PCDHA9: variants seen among roughly 807,000 people sequenced by gnomAD.
The protein encoded by PCDHA9 is protocadherin alpha-9.
Under a neutral mutation model 62.0 loss-of-function variants are expected in PCDHA9, and 62 were observed. That is an observed-to-expected ratio of 1.00 (90% CI 0.81 to 1.23). The LOEUF (loss-of-function observed/expected upper bound fraction) is 1.23, where lower values mean the gene tolerates loss of function less well. PCDHA9 is among the 50% of genes most tolerant of loss of function. The pLI is 0.00. For missense variants in PCDHA9, 1,205 were observed against 1,249.8 expected, an observed-to-expected ratio of 0.96 and a Z score of 0.54; for synonymous variants, 557 against 567.6, an observed-to-expected ratio of 0.98 and a Z score of 0.27.
intron 1 of PCDHA9, chr5:140,864,715 T>G (rs540368944): frequency 1.3e-5 from 2 of 152,390 alleles, no homozygotes; most frequent in Non-Finnish European, 2.9e-5. Flanking sequence ...GCTCTTCTAC[T>G]ATTTTGGGAA....
At chr5:140,860,557 G>C (rs146943384) in intron 1 of PCDHA9, 1 of 152,036 alleles carries the variant, frequency 6.6e-6, no homozygotes, top group African/African-American at 2.4e-5. Context: ...CTTTGAAGAG[G>C]TACTGATCAT....
chr5:140,866,420 T>C (rs2049348301), intron 1 of PCDHA9: 1 of 152,148 alleles, frequency 6.6e-6, no homozygotes, highest in African/African-American at 2.4e-5. Context: ...CAAATGTGTG[T>C]AGGTCTTTCA....
At chr5:140,937,614 C>A (rs561420642) in intron 1 of PCDHA9, among the ~76,000 whole-genome samples, 1 of 149,010 alleles carries the variant, frequency 6.7e-6, no homozygotes, top group Non-Finnish European at 1.5e-5. Flanking sequence ...GATACTCCAT[C>A]TAAAAAGAAA....
chr5:140,884,096 G>T (rs782587372), intron 1 of PCDHA9: 1 of 1,613,580 alleles, frequency 6.2e-7, no homozygotes, highest in Non-Finnish European at 8.5e-7. Flanking sequence ...GCTTTCGTAT[G>T]AATTGCAGCT....
chr5:140,863,074 A>G lies in PCDHA9; in HGVS notation c.2394+12185A>G, dbSNP rs142752367. ...GCACCCGTTCCACGTGGGGCTCTGC[A>G]CGGGCGAGATCAGCACGACGAGTAC... On this transcript the variant is annotated intron_variant, in intron 1 of 3. Transcript: ENST00000532602. The G allele has an allele frequency of 2.9e-3, 1,668 of 569,744 alleles. 11 individuals are homozygous for G. Among genetic ancestry groups the G allele is most frequent in the Middle Eastern group, 0.01 (34 of 3,390 alleles). The allele number at this position is 569,744 out of a possible 1,614,324, so 35.3% of individuals were successfully genotyped here.
chr5:140,911,915 G>A (rs553932242), intron 1 of PCDHA9, among the ~76,000 whole-genome samples: 3 of 152,226 alleles, frequency 2.0e-5, no homozygotes, highest in African/African-American at 7.2e-5. Flanking sequence ...CTCTCTAGAG[G>A]ACAGAACTAA....
chr5:140,855,923 A>C (rs1424860955), intron 1 of PCDHA9: 25 of 1,229,030 alleles, frequency 2.0e-5, no homozygotes, highest in Non-Finnish European at 2.7e-5. Context: ...ACTAGGAAGT[A>C]GCGTCATTCT....
At chr5:140,926,861 G>T in intron 1 of PCDHA9, 1 of 1,522,578 alleles carries the variant, frequency 6.6e-7, no homozygotes, top group Non-Finnish European at 8.8e-7. Flanking sequence ...TTGGTGTAGC[G>T]TGTTGGTGGA....
chr5:140,884,609 G>C (rs1554181782), intron 1 of PCDHA9: 4 of 1,614,138 alleles, frequency 2.5e-6, no homozygotes, highest in African/African-American at 1.3e-5. Flanking sequence ...TCCTTGTCTG[G>C]GTTCTGCAGA....
At chr5:140,977,559 A>G (rs1383080307) in intron 1 of PCDHA9, among the ~76,000 whole-genome samples, 2 of 152,204 alleles carry the variant, frequency 1.3e-5, no homozygotes. Context: ...ATATCTTGCT[A>G]GCAGATTGGT....
chr5:140,850,291 C>G lies in PCDHA9; in HGVS notation c.1796C>G (p.Ala599Gly), dbSNP rs2150477990. The G allele has an allele frequency of 1.3e-6, 2 of 1,595,974 alleles. No individual in the cohort carries two copies. Among genetic ancestry groups the G allele is most frequent in the South Asian group, 2.2e-5 (2 of 90,476 alleles). The stretch of plus-strand genomic sequence containing the variant: ...GTGGGGAAGGTGCGCGCAGTGGACG[C>G]CGACTCGGGCTACAACGCGTGGCTT... ...VVVGKVRAVD[A>G]DSGYNAWLSY... The change falls in exon 1 of 4, where the codon GCC (alanine) becomes GGC (glycine). Residue 599 changes from alanine (A) to glycine (G), a missense_variant. Around this residue, in one of 3 missense-constraint regions of PCDHA9, gnomAD observed 887 missense variants for 809.5 expected, o/e 1.10. Transcript: ENST00000532602.
At position 140,897,557 on chromosome 5, in the gene PCDHA9, A is replaced by G. The variant is rs2066188249; in HGVS notation, c.2394+46668A>G. Reference sequence around the variant, plus strand: ...GGCTGCATAGTCTTCCATGGTGTATATGTGCCACATTTTCTTAATCCAGTC... The same window carrying G: ...GGCTGCATAGTCTTCCATGGTGTATGTGTGCCACATTTTCTTAATCCAGTC... On this transcript the variant is annotated intron_variant, in intron 1 of 3. Coordinates refer to ENST00000532602, the MANE Select transcript of PCDHA9 (RefSeq NM_031857.2). Among the ~76,000 whole-genome samples, 4 of 151,994 alleles carry G rather than the reference A, an allele frequency of 2.6e-5. No individual in the cohort carries two copies. The South Asian group carries it at 8.3e-4, about 32-fold the overall frequency.
chr5:140,956,540 G>C (rs1356910892), intron 1 of PCDHA9, among the ~76,000 whole-genome samples: 1 of 152,186 alleles, frequency 6.6e-6, no homozygotes, highest in Non-Finnish European at 1.5e-5. Context: ...TGTGCTGCTG[G>C]ATTTGGTTTG....
intron 1 of PCDHA9, among the ~76,000 whole-genome samples, chr5:140,960,928 AAGTTT>A (rs2095579865): frequency 6.6e-6 from 1 of 152,184 alleles, no homozygotes; most frequent in South Asian, 2.1e-4. Context: ...AATTGGTACT[AAGTTT>A]AGTGAATTAG....
At position 140,950,714 on chromosome 5, in the gene PCDHA9, TA is replaced by T. The variant is rs554168605; in HGVS notation, c.2395-28234del. On this transcript the variant is annotated intron_variant, in intron 1 of 3. Coordinates refer to ENST00000532602, the MANE Select transcript of PCDHA9 (RefSeq NM_031857.2). ...AAATTTGACAAATTTTTGTTCCTTA[TA>T]TCCTTAAATTTTTTAATCCTAATTT... Among the ~76,000 whole-genome samples the T allele has an allele frequency of 2.0e-3, 304 of 152,244 alleles. 4 individuals are homozygous for T. The highest frequency in any genetic ancestry group is 6.6e-3 in the African/African-American group (275 of 41,574).
In PCDHA9 at chr5:140,850,527, T is replaced by C; in HGVS notation, c.2032T>C (p.Ser678Pro). The C allele has an allele frequency of 6.3e-7, 1 of 1,598,028 alleles. No individual in the cohort carries two copies. The highest frequency in any genetic ancestry group is 8.6e-7 in the Non-Finnish European group (1 of 1,167,746). ...SLVESGQAPK[S>P]SSRASVGATG... ...GGTGGAGAGCGGCCAGGCGCCAAAG[T>C]CATCGTCGCGGGCGTCAGTGGGTGC... Residue 678 changes from serine (S) to proline (P), a missense_variant, in exon 1 of 4, where the codon TCA becomes CCA. Ser to Pro is a moderately conservative substitution (Grantham distance 74, BLOSUM62 -1). Transcript: ENST00000532602.
intron 1 of PCDHA9, among the ~76,000 whole-genome samples, chr5:140,952,680 G>A (rs1013469820): frequency 6.6e-6 from 1 of 152,128 alleles, no homozygotes; most frequent in Middle Eastern, 3.2e-3. Flanking sequence ...CACATTTTCA[G>A]GATCTTTATA....
rs372500794 is a variant in PCDHA9, at chr5:140,876,782, C to A, written c.2394+25893C>A. 5.6e-6 allele frequency: 9 copies of A among 1,614,096 alleles called. No individual in the cohort carries two copies. The East Asian group carries it at 1.8e-4, about 32-fold the overall frequency. On this transcript the variant is annotated intron_variant, in intron 1 of 3. Transcript: ENST00000532602. ...GATGGGGGCTCGCCTTCGCTGTGGG[C>A]CACGGCTAGAGTGTCCGTGGAGGTG...
At position 140,849,164 on chromosome 5, in the gene PCDHA9, T is replaced by G. The variant is rs2150431781; in HGVS notation, c.669T>G (p.Thr223=). 3.3e-5 allele frequency: 39 copies of G among 1,167,302 alleles called. 1 individual carries two copies. The highest frequency in any genetic ancestry group is 4.4e-5 in the Non-Finnish European group (37 of 840,698). The allele number at this position is 1,167,302 out of a possible 1,614,324, so 72.3% of individuals were successfully genotyped here. Residue 223 remains threonine, a synonymous_variant, in exon 1 of 4, where the codon ACT becomes ACG. Coordinates refer to ENST00000532602, the MANE Select transcript of PCDHA9 (RefSeq NM_031857.2). The stretch of plus-strand genomic sequence containing the variant: ...CCGATGGAGGCAAACCCGAGCTGAC[T>G]GGCACCGTTCAATTACTCATCACGG... The part of the protein sequence containing the change: ...TATDGGKPEL[T]GTVQLLITVL...
Sources: gnomAD v4.1 joint callset for allele counts (sites outside exome capture counted in the v4.1 genomes callset) on GRCh38, gnomAD v4.1.1 for gene constraint, gnomAD v4.1.1 regional missense constraint, MANE v1.5 for transcripts, NCBI Gene and HGNC (gene_info 2026-07-23, HGNC 2026-07-21) for gene names.